PRKN: variants seen among roughly 807,000 people sequenced by gnomAD.
PRKN encodes the protein parkin RBR E3 ubiquitin protein ligase, also known as E3 ubiquitin-protein ligase parkin.
A neutral mutation model predicts 59.5 loss-of-function variants in PRKN; 56 were observed. That is an observed-to-expected ratio of 0.94 (90% CI 0.76 to 1.18). PRKN has a LOEUF of 1.18. PRKN is among the 50% of genes most tolerant of loss of function. PRKN has a pLI of 0.00. For synonymous variants in PRKN, 250 were observed against 222.1 expected (o/e 1.13, Z -1.12); for missense variants, 657 against 596.4 (o/e 1.10, Z -1.06).
At chr6:162,557,788 G>A (rs1779670571) in intron 1 of PRKN, among the ~76,000 whole-genome samples, 1 of 152,196 alleles carries the variant, frequency 6.6e-6, no homozygotes, top group South Asian at 2.1e-4. Context: ...GGGATTACAG[G>A]CGTGAGCCAC....
chr6:161,505,465 T>C (rs1778130316), intron 9 of PRKN, among the ~76,000 whole-genome samples: 1 of 151,640 alleles, frequency 6.6e-6, no homozygotes, highest in South Asian at 2.1e-4. Flanking sequence ...TATTCTCCCA[T>C]TTTGTGGGCT....
At chr6:162,256,086 T>C (rs1369662280) in intron 3 of PRKN, among the ~76,000 whole-genome samples, 1 of 152,132 alleles carries the variant, frequency 6.6e-6, no homozygotes, top group Non-Finnish European at 1.5e-5. Flanking sequence ...TGTAAGATCT[T>C]ACAGAGCATC....
intron 9 of PRKN, among the ~76,000 whole-genome samples, chr6:161,427,622 T>G (rs1395056564): frequency 6.6e-6 from 1 of 152,196 alleles, no homozygotes; most frequent in East Asian, 1.9e-4. Flanking sequence ...GAAACACAAT[T>G]GGAAGACGTT....
intron 6 of PRKN, among the ~76,000 whole-genome samples, chr6:161,846,567 T>C (rs1232108219): frequency 1.3e-5 from 2 of 151,702 alleles, no homozygotes; most frequent in Non-Finnish European, 2.9e-5. Context: ...TACAGGTATA[T>C]CCAAAGGATT....
At chr6:161,812,322 C>T (rs1178280043) in intron 6 of PRKN, among the ~76,000 whole-genome samples, 1 of 151,922 alleles carries the variant, frequency 6.6e-6, no homozygotes, top group Non-Finnish European at 1.5e-5. Context: ...CCCTTTAGGC[C>T]AGAAGTTTGA....
At chr6:162,091,352 A>G (rs901009591) in intron 4 of PRKN, among the ~76,000 whole-genome samples, 1 of 152,204 alleles carries the variant, frequency 6.6e-6, no homozygotes, top group Non-Finnish European at 1.5e-5. Flanking sequence ...CAGTTTACTA[A>G]TAGAGCTTAT....
At chr6:161,785,353 C>G (rs566821877) in intron 7 of PRKN, among the ~76,000 whole-genome samples, 30 of 152,238 alleles carry the variant, frequency 2.0e-4, no homozygotes, top group South Asian at 1.0e-3. Flanking sequence ...TTATCTCATT[C>G]TGCTTTCTTT....
At chr6:161,680,742 TATATATATATATATATATATATATATA>T (rs1562603485) in intron 7 of PRKN, among the ~76,000 whole-genome samples, 6 of 6,382 alleles carry the variant, frequency 9.4e-4, no homozygotes, top group African/African-American at 1.4e-3. Flanking sequence ...TATATATATA[TATATATATATATATATATATATATATA>T]TATATATTTT....
chr6:162,642,291 G>A (rs886769256), intron 1 of PRKN, among the ~76,000 whole-genome samples: 3 of 151,998 alleles, frequency 2.0e-5, no homozygotes, highest in African/African-American at 4.8e-5. Flanking sequence ...AAATGAACAC[G>A]TTTAATGATA....
rs766949960 is a variant in PRKN, at chr6:161,352,755, G to GTGTATATATATATATATATATATATATA, written c.1286-2545_1286-2544insTATATATATATATATATATATATATACA. ...TGTGTGTGTGTGTGTGTGTGTGTGT[G>GTGTATATATATATATATATATATATATA]TATATATATATATATATTTTATTTT... On this transcript the variant is annotated intron_variant, in intron 11 of 11. Transcript: ENST00000366898. The surrounding 1 kb of genome is among the most constrained non-coding windows in gnomAD (Gnocchi z 5.8). 2.2e-5 allele frequency among the ~76,000 whole-genome samples: 3 copies of GTGTATATATATATATATATATATATATA among 134,378 alleles called. No individual in the cohort carries two copies. The highest frequency in any genetic ancestry group is 7.4e-5 in the Admixed American group (1 of 13,528). The allele number at this position is 134,378 out of a possible 152,430, so 88.2% of individuals were successfully genotyped here.
At chr6:161,650,130 A>C (rs1406544877) in intron 7 of PRKN, among the ~76,000 whole-genome samples, 6 of 152,104 alleles carry the variant, frequency 3.9e-5, no homozygotes, top group African/African-American at 1.4e-4. Flanking sequence ...TAACCCAGTA[A>C]TTTTGCAACA....
chr6:161,946,774 A>G lies in PRKN; in HGVS notation c.734+26528T>C, dbSNP rs1779797882. Among the ~76,000 whole-genome samples the G allele has an allele frequency of 2.0e-5, 3 of 152,198 alleles. No homozygotes were observed. The South Asian group carries it at 6.2e-4, about 31-fold the overall frequency. On this transcript the variant is annotated intron_variant, in intron 6 of 11. Coordinates refer to ENST00000366898, the MANE Select transcript of PRKN (RefSeq NM_004562.3). ...TTAATCCCAACATTTGGAGAAGGAAAAAAAGTAAGCGATCTCAATGTCTAC... is the reference window on the plus strand; with the variant it reads ...TTAATCCCAACATTTGGAGAAGGAAGAAAAGTAAGCGATCTCAATGTCTAC...
intron 1 of PRKN, among the ~76,000 whole-genome samples, chr6:162,648,137 A>G (rs1583978179): frequency 6.6e-6 from 1 of 152,232 alleles, no homozygotes; most frequent in Admixed American, 6.5e-5. Flanking sequence ...GCAGTATTAT[A>G]TAACTCTACT....
chr6:161,781,142 T>C (rs1790188249), intron 7 of PRKN, among the ~76,000 whole-genome samples: 1 of 152,228 alleles, frequency 6.6e-6, no homozygotes, highest in African/African-American at 2.4e-5. Context: ...AGCTTCTGGT[T>C]ACTAGTTCAT....
chr6:162,668,109 G>A (rs1462052287), intron 1 of PRKN, among the ~76,000 whole-genome samples: 1 of 152,116 alleles, frequency 6.6e-6, no homozygotes. Context: ...TGAACCATTA[G>A]AGTAATAATT....
intron 2 of PRKN, among the ~76,000 whole-genome samples, chr6:162,372,202 C>T (rs531863218): frequency 2.0e-5 from 3 of 152,336 alleles, no homozygotes; most frequent in South Asian, 2.1e-4. Context: ...TGTCGTTTTG[C>T]AGCCAGGGAA....
intron 2 of PRKN, among the ~76,000 whole-genome samples, chr6:162,408,669 T>C (rs1385151528): frequency 6.6e-6 from 1 of 152,188 alleles, no homozygotes; most frequent in African/African-American, 2.4e-5. Flanking sequence ...CTAGGCACTT[T>C]GGCAAACATG....
At chr6:161,860,760 G>A (rs1001877684) in intron 6 of PRKN, among the ~76,000 whole-genome samples, 1 of 152,148 alleles carries the variant, frequency 6.6e-6, no homozygotes. Flanking sequence ...CCCATCAAAA[G>A]AGGACAAAGG....
At chr6:162,281,592 G>C (rs1020988774) in intron 2 of PRKN, among the ~76,000 whole-genome samples, 16 of 151,950 alleles carry the variant, frequency 1.1e-4, no homozygotes, top group Non-Finnish European at 2.4e-4. Flanking sequence ...ATCCAAAGTT[G>C]CTTATAAAAA....
Sources: allele counts gnomAD v4.1 joint callset (sites outside exome capture counted in the v4.1 genomes callset), GRCh38; gene constraint gnomAD v4.1.1; non-coding constraint Gnocchi (gnomAD v3.1); transcripts MANE v1.5; gene names NCBI Gene and HGNC (gene_info 2026-07-23, HGNC 2026-07-21).